The following FAM3C variants were observed in gnomAD, a reference collection of about 807,000 sequenced individuals.
FAM3C encodes FAM3 metabolism regulating signaling molecule C, also known as protein FAM3C.
Under a neutral mutation model 32.5 loss-of-function variants are expected in FAM3C, and 15 were observed. The ratio of observed to expected loss-of-function variants is 0.46; its 90% CI spans 0.31 to 0.71. FAM3C has a LOEUF of 0.71. Ranked by LOEUF, FAM3C falls within the 30% of genes least tolerant of loss-of-function variation. The probability of loss-of-function intolerance (pLI) is 0.05; values close to 1 mark genes in which losing one functional copy is unlikely to be tolerated. For synonymous variants in FAM3C, 75 were observed against 86.1 expected (o/e 0.87, Z 0.72); for missense variants, 175 against 274.4 (o/e 0.64, Z 2.56).
intron 7 of FAM3C, among the ~76,000 whole-genome samples, chr7:121,360,496 G>C (rs1455624766): frequency 6.6e-6 from 1 of 152,160 alleles, no homozygotes; most frequent in Non-Finnish European, 1.5e-5. Context: ...CCATGCATAA[G>C]CTTAAGGAGG....
intron 8 of FAM3C, among the ~76,000 whole-genome samples, chr7:121,358,107 A>G (rs1793847892): frequency 6.6e-6 from 1 of 152,168 alleles, no homozygotes; most frequent in Non-Finnish European, 1.5e-5. Flanking sequence ...ATGCTTGAAT[A>G]GGCGAGTTTT....
chr7:121,357,743 G>A (rs1424648803), intron 8 of FAM3C, among the ~76,000 whole-genome samples: 2 of 152,122 alleles, frequency 1.3e-5, no homozygotes, highest in Admixed American at 6.6e-5. Flanking sequence ...TTGCCCTAGA[G>A]GTTGAACTCT....
At chr7:121,376,549 A>T (rs1265481891) in intron 3 of FAM3C, among the ~76,000 whole-genome samples, 3 of 152,188 alleles carry the variant, frequency 2.0e-5, no homozygotes, top group South Asian at 4.1e-4. Flanking sequence ...TTTGTATTAC[A>T]CTTACCAGCT....
At chr7:121,351,970 C>T (rs1054222744) in intron 8 of FAM3C, among the ~76,000 whole-genome samples, 9 of 151,946 alleles carry the variant, frequency 5.9e-5, no homozygotes, top group African/African-American at 1.9e-4. Flanking sequence ...TCCTTTATCT[C>T]TAAGGAGAAA....
intron 1 of FAM3C, among the ~76,000 whole-genome samples, chr7:121,389,739 T>C (rs1479736341): frequency 1.3e-5 from 2 of 151,304 alleles, no homozygotes; most frequent in Non-Finnish European, 2.9e-5. Context: ...ATGAGGGCTG[T>C]GGACTCTCTA....
chr7:121,382,036 A>C (rs1562891667), intron 2 of FAM3C, among the ~76,000 whole-genome samples: 1 of 152,160 alleles, frequency 6.6e-6, no homozygotes, highest in African/African-American at 2.4e-5. Context: ...TAAGAAAAAG[A>C]CTAATTATCT....
chr7:121,361,289 T>C (rs1324079039), intron 7 of FAM3C, among the ~76,000 whole-genome samples: 7 of 152,232 alleles, frequency 4.6e-5, no homozygotes, highest in Admixed American at 3.9e-4. Flanking sequence ...ACTCAGTTTC[T>C]TTCCACAGCA....
intron 5 of FAM3C, 53 bp downstream of exon 5, chr7:121,371,247 A>G (rs1448783991): frequency 1.9e-6 from 3 of 1,591,708 alleles, no homozygotes; most frequent in South Asian, 2.2e-5. Flanking sequence ...CTCAGGTTCA[A>G]TTGGCTGCAA....
At chr7:121,390,366 GT>G in intron 1 of FAM3C, among the ~76,000 whole-genome samples, 1 of 152,312 alleles carries the variant, frequency 6.6e-6, no homozygotes, top group Non-Finnish European at 1.5e-5. Context: ...TAACCTCCAG[GT>G]TGTCCTTGTT....
At chr7:121,368,784 C>G (rs913084430) in intron 5 of FAM3C, among the ~76,000 whole-genome samples, 3 of 151,822 alleles carry the variant, frequency 2.0e-5, no homozygotes, top group Non-Finnish European at 4.4e-5. Context: ...TGCTCGAAGA[C>G]CAAGGATGGT....
At chr7:121,365,644 TAG>T (rs1183333320) in intron 5 of FAM3C, among the ~76,000 whole-genome samples, 1 of 151,990 alleles carries the variant, frequency 6.6e-6, no homozygotes, top group Non-Finnish European at 1.5e-5. Flanking sequence ...AATAATAAAA[TAG>T]ACTTAAACCC....
chr7:121,371,398 A>G lies in FAM3C; in HGVS notation c.174T>C (p.Cys58=). 2 of 1,613,964 alleles carry G rather than the reference A, an allele frequency of 1.2e-6. No homozygotes were observed. The highest frequency in any genetic ancestry group is 8.5e-7 in the Non-Finnish European group (1 of 1,179,858). ...TCTCAGGGCAAGCTTTTGAGATCCC[A>G]CACTTATATCTGGGAGGCTTTGTAG... ...ARSTKPPRYK[C]GISKACPEKH... The change falls in exon 5 of 10, where the codon TGT becomes TGC. Residue 58 remains cysteine (C), a synonymous_variant. Transcript: ENST00000359943.
At position 121,365,102 on chromosome 7, in the gene FAM3C, G is replaced by T. The variant is rs114519337; in HGVS notation, c.273-914C>A. Reference sequence around the variant, plus strand: ...CACAATTTATTATAAACTACTAAAAGATGTATAGCACACAATTTCATAAAT... The same window carrying T: ...CACAATTTATTATAAACTACTAAAATATGTATAGCACACAATTTCATAAAT... On this transcript the variant is annotated intron_variant, in intron 5 of 9. Coordinates refer to ENST00000359943, the MANE Select transcript of FAM3C (RefSeq NM_014888.3). Among the ~76,000 whole-genome samples the T allele has an allele frequency of 6.4e-3, 972 of 152,100 alleles. 10 individuals carry two copies. Among genetic ancestry groups the T allele is most frequent in the African/African-American group, 0.021 (876 of 41,516 alleles).
rs150256166 is a variant in FAM3C, at chr7:121,375,804, C to T, written c.118+3106G>A. On this transcript the variant is annotated intron_variant, in intron 3 of 9. Coordinates refer to ENST00000359943, the MANE Select transcript of FAM3C (RefSeq NM_014888.3). ...CTATTTGTTCCAATGGTCCCACTGC[C>T]TCCCTTCTCCCAAACATCCTCCTTT... Among the ~76,000 whole-genome samples, 486 of 152,310 alleles carry T rather than the reference C, an allele frequency of 3.2e-3. 1 individual carries two copies. The highest frequency in any genetic ancestry group is 6.2e-3 in the Admixed American group (95 of 15,302).
At chr7:121,361,343 T>C (rs1050266643) in intron 7 of FAM3C, among the ~76,000 whole-genome samples, 10 of 152,234 alleles carry the variant, frequency 6.6e-5, no homozygotes, top group African/African-American at 1.9e-4. Flanking sequence ...TTCATAATAA[T>C]AGCATTTTCA....
chr7:121,379,012 C>G lies in FAM3C; in HGVS notation c.16G>C (p.Ala6Pro). 1 of 1,533,616 alleles carries G rather than the reference C, an allele frequency of 6.5e-7. No homozygotes were observed. The highest frequency in any genetic ancestry group is 8.8e-7 in the Non-Finnish European group (1 of 1,132,862). ...GCCACAGCTACCACCAACTTTGCAG[C>G]ACCTAAAAGGCAGAAGTATTTCAGC... The part of the protein sequence containing the change: MRVAG[A>P]AKLVVAVAVF... The change falls in exon 3 of 10, where the codon GCT becomes CCT. Residue 6 changes from alanine (A) to proline (P), a missense_variant and splice_region_variant. Ala to Pro is a conservative substitution (Grantham distance 27). Coordinates refer to ENST00000359943, the MANE Select transcript of FAM3C (RefSeq NM_014888.3).
intron 5 of FAM3C, among the ~76,000 whole-genome samples, chr7:121,370,077 T>G (rs976921019): frequency 1.7e-4 from 26 of 152,186 alleles, no homozygotes; most frequent in African/African-American, 6.0e-4. Flanking sequence ...TGGGGTCTAT[T>G]TAACCAAACA....
intron 8 of FAM3C, among the ~76,000 whole-genome samples, chr7:121,353,819 T>C (rs1423411697): frequency 6.6e-6 from 1 of 152,228 alleles, no homozygotes; most frequent in Non-Finnish European, 1.5e-5. Context: ...GACTCCTTTG[T>C]CCCTCCAGAC....
intron 5 of FAM3C, among the ~76,000 whole-genome samples, chr7:121,367,953 G>T (rs1794056480): frequency 6.6e-6 from 1 of 151,738 alleles, no homozygotes; most frequent in Non-Finnish European, 1.5e-5. Flanking sequence ...GCAACAGAAT[G>T]AGACCCTGTC....
Sources: gnomAD v4.1 joint callset for allele counts (sites outside exome capture counted in the v4.1 genomes callset) on GRCh38, gnomAD v4.1.1 for gene constraint, MANE v1.5 for transcripts, NCBI Gene and HGNC (gene_info 2026-07-23, HGNC 2026-07-21) for gene names.